Variants in PPFIBP2 observed in about 807,000 individuals in gnomAD.
The protein encoded by PPFIBP2 is PPFIB scaffold protein 2.
Under a neutral mutation model 118.3 loss-of-function variants are expected in PPFIBP2, and 118 were observed. That is an observed-to-expected ratio of 1.00 (90% CI 0.86 to 1.16). The LOEUF is 1.16. Ranked by LOEUF, PPFIBP2 falls within the 50% of genes most tolerant of loss-of-function variation. PPFIBP2 has a pLI of 0.00. For synonymous variants in PPFIBP2, 414 were observed against 397.4 expected (o/e 1.04, Z -0.50); for missense variants, 1,195 against 1,073.1 (o/e 1.11, Z -1.59).
At chr11:7,528,703 C>CT (rs1330013047) in intron 1 of PPFIBP2, among the ~76,000 whole-genome samples, 1 of 152,210 alleles carries the variant, frequency 6.6e-6, no homozygotes, top group Non-Finnish European at 1.5e-5. Flanking sequence ...TGCTGAGAGC[C>CT]TGCCCATGCA....
chr11:7,541,553 T>A (rs1851784800), intron 1 of PPFIBP2, among the ~76,000 whole-genome samples: 1 of 152,210 alleles, frequency 6.6e-6, no homozygotes, highest in African/African-American at 2.4e-5. Flanking sequence ...TGTCCATTCC[T>A]CTTCTCCCCG....
At chr11:7,559,582 C>G (rs985807724) in intron 2 of PPFIBP2, among the ~76,000 whole-genome samples, 2 of 152,110 alleles carry the variant, frequency 1.3e-5, no homozygotes, top group African/African-American at 4.8e-5. Context: ...CTTGATGTCT[C>G]ACTGGGGGGT....
chr11:7,634,598 G>A (rs1300960308), intron 13 of PPFIBP2, 46 bp downstream of exon 13: 2 of 1,507,564 alleles, frequency 1.3e-6, no homozygotes, highest in African/African-American at 1.4e-5. Flanking sequence ...TTACTTTTTT[G>A]GGCCTAGCAT....
the PPFIBP2 span, chr11:7,665,099 C>CAA: frequency 3.7e-6 from 1 of 272,880 alleles, no homozygotes; most frequent in South Asian, 7.2e-5. Context: ...ACTTCATGGG[C>CAA]TGTCTGCTTT....
chr11:7,641,579 T>G lies in PPFIBP2; in HGVS notation c.1476T>G (p.Asp492Glu). 1 of 1,614,052 alleles carries G rather than the reference T, an allele frequency of 6.2e-7. No homozygotes were observed. Among genetic ancestry groups the G allele is most frequent in the Non-Finnish European group, 8.5e-7 (1 of 1,179,860 alleles). ...GTCCTCAGTCTCCTCTGACACCAGA[T>G]GGTAAACGGAATCCCAAAGGCATTA... is the stretch of plus-strand genomic sequence containing the variant. ...ESGPQSPLTPDGKRNPKGIKK... is the reference protein window; with the variant it reads ...ESGPQSPLTPEGKRNPKGIKK... Residue 492 changes from aspartate to glutamate, a missense_variant, in exon 16 of 24, where the codon GAT becomes GAG. By Grantham distance (45) the Asp-to-Glu change is conservative (BLOSUM62 2). Transcript: ENST00000299492.
downstream of PPFIBP2, among the ~76,000 whole-genome samples, chr11:7,654,726 T>A (rs1254832084): frequency 6.6e-6 from 1 of 152,222 alleles, no homozygotes. Flanking sequence ...GTCCCTTGTT[T>A]CTTATGTTGC....
At chr11:7,544,296 C>T (rs1241014111) in intron 1 of PPFIBP2, among the ~76,000 whole-genome samples, 1 of 152,138 alleles carries the variant, frequency 6.6e-6, no homozygotes, top group Non-Finnish European at 1.5e-5. Flanking sequence ...GTGCTTTGGT[C>T]CCATGTAACA....
At chr11:7,611,743 C>A (rs377149631) in intron 6 of PPFIBP2, among the ~76,000 whole-genome samples, 1 of 152,196 alleles carries the variant, frequency 6.6e-6, no homozygotes, top group South Asian at 2.1e-4. Context: ...GTATGTGGAA[C>A]CCTTAGCATA....
rs1260058928 is a variant in PPFIBP2 at position 7,634,570 on chromosome 11, T to C, written c.1194+18T>C. 6.2e-7 allele frequency: 1 copy of C among 1,603,724 alleles called. No homozygotes were observed. ...TGGATAAGGTCGGCTCATCAACCTATCCTTAAAGATGACTGAGTTACTTTT... is the reference window on the plus strand; with the variant it reads ...TGGATAAGGTCGGCTCATCAACCTACCCTTAAAGATGACTGAGTTACTTTT... On this transcript the variant is annotated intron_variant, in intron 13 of 23. Coordinates refer to ENST00000299492, the MANE Select transcript of PPFIBP2 (RefSeq NM_003621.5).
intron 2 of PPFIBP2, among the ~76,000 whole-genome samples, chr11:7,556,318 G>T (rs1007812231): frequency 6.6e-6 from 1 of 152,132 alleles, no homozygotes. Context: ...AGCCGGGTGT[G>T]GTGGCGGGCA....
chr11:7,656,660 G>A (rs919369255), downstream of PPFIBP2: 12 of 1,178,008 alleles, frequency 1.0e-5, no homozygotes, highest in Non-Finnish European at 1.4e-5. Context: ...TAGTTCCGGT[G>A]CAGCTGCCGC....
chr11:7,551,035 A>G (rs891275530), intron 2 of PPFIBP2, among the ~76,000 whole-genome samples: 2 of 140,280 alleles, frequency 1.4e-5, no homozygotes, highest in Admixed American at 6.9e-5. Flanking sequence ...CTTTATATCT[A>G]TATCTATAGA....
intron 1 of PPFIBP2, among the ~76,000 whole-genome samples, chr11:7,523,566 C>T (rs572245919): frequency 6.8e-4 from 104 of 152,184 alleles, no homozygotes; most frequent in Non-Finnish European, 1.2e-3. Context: ...GCCTGCTCAC[C>T]CATGGTAAAG....
Position 7,582,716 on chromosome 11 carries a change from GA to G in PPFIBP2, c.280-10401del, listed in dbSNP as rs57245348. 2.3e-3 allele frequency among the ~76,000 whole-genome samples: 287 copies of G among 127,104 alleles called. 1 individual carries two copies. Among genetic ancestry groups the G allele is most frequent in the East Asian group, 4.5e-3 (20 of 4,412 alleles). The allele number at this position is 127,104 out of a possible 152,430, so 83.4% of individuals were successfully genotyped here. A position where few individuals can be genotyped will look rare whatever the true frequency, so the allele number is the denominator to read the frequency against. On this transcript the variant is annotated intron_variant, in intron 3 of 23. Transcript: ENST00000299492. ...ACTGATGTCACTACCAATGTCATAG[GA>G]AAAAAAAAAAAAAACCAGCCAAACT...
chr11:7,656,674 G>C, downstream of PPFIBP2: 8 of 1,266,960 alleles, frequency 6.3e-6, no homozygotes, highest in Middle Eastern at 2.2e-4. Context: ...CTGCCGCAGG[G>C]CAGCCTGGAC....
At position 7,650,909 on chromosome 11, in the gene PPFIBP2, G is replaced by T; in HGVS notation, c.2191G>T (p.Asp731Tyr). Residue 731 changes from aspartate (D) to tyrosine (Y), a missense_variant, in exon 22 of 24, where the codon GAC becomes TAC. Coordinates refer to ENST00000299492, the MANE Select transcript of PPFIBP2 (RefSeq NM_003621.5). ...GGTGATGGAGTGGTTACGATCTGTG[G>T]ACCTGGCAGAGTATGCACCCAATCT... ...HRVMEWLRSV[D>Y]LAEYAPNLRG... is the part of the protein sequence containing the mutation. 1.2e-6 allele frequency: 2 copies of T among 1,614,128 alleles called. No individual in the cohort carries two copies. The highest frequency in any genetic ancestry group is 1.7e-6 in the Non-Finnish European group (2 of 1,179,992).
the PPFIBP2 span, chr11:7,666,458 A>AG: frequency 6.2e-7 from 1 of 1,609,078 alleles, no homozygotes; most frequent in Admixed American, 1.7e-5. Context: ...TACCAATGGG[A>AG]GGCCTGTCCA....
At chr11:7,651,908 C>A (rs1489411501) in intron 23 of PPFIBP2, 64 bp downstream of exon 23, 1 of 1,447,482 alleles carries the variant, frequency 6.9e-7, no homozygotes, top group African/African-American at 1.4e-5. Context: ...CAGCACAGCA[C>A]CTGGCGCGAT....
chr11:7,599,368 A>G (rs1277215065), intron 5 of PPFIBP2, among the ~76,000 whole-genome samples: 4 of 152,224 alleles, frequency 2.6e-5, no homozygotes, highest in Non-Finnish European at 4.4e-5. Context: ...CAGGAAGGCT[A>G]TGCTGGGAGA....
Sources: allele counts gnomAD v4.1 joint callset (sites outside exome capture counted in the v4.1 genomes callset), GRCh38; gene constraint gnomAD v4.1.1; transcripts MANE v1.5; gene names NCBI Gene and HGNC (gene_info 2026-07-23, HGNC 2026-07-21).